IST1: variants seen among roughly 807,000 people sequenced by gnomAD.
The protein encoded by IST1 is IST1 factor associated with ESCRT-III.
Under a neutral mutation model 37.0 loss-of-function variants are expected in IST1, and 23 were observed. The ratio of observed to expected loss-of-function variants is 0.62; its 90% CI spans 0.45 to 0.88. The LOEUF (loss-of-function observed/expected upper bound fraction) is 0.88. IST1 is among the 40% of genes least tolerant of loss of function. IST1 has a pLI of 0.00. For synonymous variants in IST1, 180 were observed against 161.7 expected, an observed-to-expected ratio of 1.11 and a Z score of -0.86; for missense variants, 488 against 445.4, an observed-to-expected ratio of 1.10 and a Z score of -0.86.
intron 4 of IST1, among the ~76,000 whole-genome samples, chr16:71,919,619 T>A (rs917963358): frequency 1.3e-5 from 2 of 152,218 alleles, no homozygotes; most frequent in African/African-American, 4.8e-5. Context: ...CTTGAACACC[T>A]GAACTCAAGT....
intron 1 of IST1, among the ~76,000 whole-genome samples, chr16:71,902,014 GA>G (rs1387987305): frequency 3.9e-5 from 6 of 152,198 alleles, no homozygotes; most frequent in African/African-American, 1.4e-4. Context: ...CTAATCTTTA[GA>G]TGAAGAGCTA....
intron 7 of IST1, 110 bp from the exon 8 acceptor site, chr16:71,923,168 AATATTTATAT>A (rs1307834575): frequency 6.5e-4 from 345 of 528,858 alleles, no homozygotes; most frequent in Non-Finnish European, 6.6e-5. Context: ...AAGGATCTTG[AATATTTATAT>A]ATATTTAGTA....
chr16:71,908,199 C>G (rs2037269806), intron 1 of IST1, among the ~76,000 whole-genome samples: 1 of 152,012 alleles, frequency 6.6e-6, no homozygotes. Context: ...GCCTCTGCCT[C>G]CCAAAGTGCT....
rs2037817167 is a variant in IST1, at chr16:71,928,851, C to G, written c.*1038C>G. ...CCTTTGGCCCATAGCTAAGGTCATC[C>G]TTCCCCACAGGGGTGGCTTTGGGAT... On this transcript the variant is annotated 3_prime_UTR_variant, in exon 10 of 10. Coordinates refer to ENST00000378799, the MANE Select transcript of IST1 (RefSeq NM_001270975.2). 6.6e-6 allele frequency: 1 copy of G among 152,230 alleles called. No homozygotes were observed. Among genetic ancestry groups the G allele is most frequent in the Non-Finnish European group, 1.5e-5 (1 of 68,052 alleles). The allele number at this position is 152,230 out of a possible 1,614,324, so 9.4% of individuals were successfully genotyped here.
intron 1 of IST1, chr16:71,903,605 G>A (rs1344372898): frequency 6.6e-6 from 1 of 152,090 alleles, no homozygotes; most frequent in African/African-American, 2.4e-5. Context: ...AGGTCTTACT[G>A]TGTTACTCAG....
chr16:71,919,246 T>G (rs1347140324), intron 4 of IST1, among the ~76,000 whole-genome samples: 1 of 152,222 alleles, frequency 6.6e-6, no homozygotes, highest in Non-Finnish European at 1.5e-5. Context: ...CTTACCACAC[T>G]CCTTGGCCTC....
intron 1 of IST1, among the ~76,000 whole-genome samples, chr16:71,915,096 C>T (rs2037439631): frequency 6.6e-6 from 1 of 152,232 alleles, no homozygotes; most frequent in Admixed American, 6.5e-5. Flanking sequence ...TGGGTACTAG[C>T]TTTTCCCCAA....
Position 71,929,504 on chromosome 16 carries a change from T to G in IST1, c.*1691T>G. The G allele has an allele frequency of 6.6e-7, 1 of 1,524,878 alleles. No homozygotes were observed. Among genetic ancestry groups the G allele is most frequent in the South Asian group, 1.3e-5 (1 of 79,714 alleles). The allele number at this position is 1,524,878 out of a possible 1,614,324, so 94.5% of individuals were successfully genotyped here. A position where few individuals can be genotyped will look rare whatever the true frequency, so the allele number is the denominator to read the frequency against. On this transcript the variant is annotated 3_prime_UTR_variant, in exon 10 of 10. Coordinates refer to ENST00000378799, the MANE Select transcript of IST1 (RefSeq NM_001270975.2). ...CATGCAAAGATAAGTAGTAATACGC[T>G]AATAAATACTAAGCCAAGTAGGAGA...
At chr16:71,922,451 C>T (rs775578224) in intron 6 of IST1, 23 bp from the exon 7 acceptor site, 4 of 1,604,804 alleles carry the variant, frequency 2.5e-6, no homozygotes, top group African/African-American at 1.3e-5. Context: ...GGTTAATGAC[C>T]TGGGTTTCTC....
At chr16:71,894,552 C>A, upstream of IST1, 7 of 246,014 alleles carry the variant, frequency 2.8e-5, no homozygotes, top group Non-Finnish European at 4.8e-5. Context: ...GGCCCTTTTT[C>A]TTTTTTTCTG....
In IST1 at chr16:71,923,386, T is replaced by C. The variant is rs1443223956; in HGVS notation, c.852+6T>C. The C allele has an allele frequency of 5.7e-6, 9 of 1,565,816 alleles. No individual in the cohort carries two copies. The highest frequency in any genetic ancestry group is 7.9e-6 in the Non-Finnish European group (9 of 1,136,628). ...CTCCCCCATCGTATGAATCTGTAAG[T>C]GCCTGAGCCTCTTTTATAAGCAACA... is the stretch of plus-strand genomic sequence containing the variant. On this transcript the variant is annotated splice_donor_region_variant and intron_variant, in intron 8 of 9. Transcript: ENST00000378799.
intron 2 of IST1, 58 bp downstream of exon 2, chr16:71,915,786 A>T (rs1457322444): frequency 9.3e-7 from 1 of 1,069,862 alleles, no homozygotes; most frequent in African/African-American, 1.6e-5. Context: ...CACCCCAGTA[A>T]TGGGTCTTTC....
intron 1 of IST1, among the ~76,000 whole-genome samples, chr16:71,896,990 A>G (rs1477851032): frequency 2.0e-5 from 3 of 151,948 alleles, no homozygotes; most frequent in African/African-American, 7.2e-5. Context: ...AAAAAAAGAA[A>G]TTAAAACACT....
chr16:71,915,738 G>C lies in IST1; in HGVS notation c.88+10G>C. The C allele has an allele frequency of 6.4e-7, 1 of 1,565,216 alleles. No homozygotes were observed. Among genetic ancestry groups the C allele is most frequent in the Non-Finnish European group, 8.8e-7 (1 of 1,138,312 alleles). On this transcript the variant is annotated intron_variant, in intron 2 of 9. Coordinates refer to ENST00000378799, the MANE Select transcript of IST1 (RefSeq NM_001270975.2). ...TTGGAGAAAAAGAAAAGTGAGTAGT[G>C]TACTTTTTTTCCCCAAAAATAAATC...
upstream of IST1, chr16:71,894,827 C>G (rs2036930332): frequency 1.3e-6 from 2 of 1,533,546 alleles, no homozygotes; most frequent in African/African-American, 1.4e-5. Context: ...CAGGCTTAAG[C>G]AGCGATAATG....
intron 1 of IST1, among the ~76,000 whole-genome samples, chr16:71,906,589 T>A (rs1019052406): frequency 6.6e-6 from 1 of 152,130 alleles, no homozygotes; most frequent in African/African-American, 2.4e-5. Context: ...GTGCTGAGAT[T>A]ACCAGGTGTG....
Position 71,908,296 on chromosome 16 carries a change from CT to C in IST1, c.-15-7308del, listed in dbSNP as rs59849119. On this transcript the variant is annotated intron_variant, in intron 1 of 9. Coordinates refer to ENST00000378799, the MANE Select transcript of IST1 (RefSeq NM_001270975.2). ...GAGAAATTTCCCTTACTCGTTGTAG[CT>C]TTTTTTTTTTTTTTTTTTTTTGGAG... Among the ~76,000 whole-genome samples, 55 of 76,820 alleles carry C rather than the reference CT, an allele frequency of 7.2e-4. No homozygotes were observed. The South Asian group carries it at 0.014, about 20-fold the overall frequency. The allele number at this position is 76,820 out of a possible 152,430, so 50.4% of individuals were successfully genotyped here.
At chr16:71,912,506 G>A (rs1327177825) in intron 1 of IST1, among the ~76,000 whole-genome samples, 1 of 152,066 alleles carries the variant, frequency 6.6e-6, no homozygotes, top group Non-Finnish European at 1.5e-5. Flanking sequence ...CAAAGTACTG[G>A]GATTACAGGT....
intron 2 of IST1, among the ~76,000 whole-genome samples, chr16:71,916,222 G>A (rs1307658741): frequency 6.6e-6 from 1 of 152,204 alleles, no homozygotes; most frequent in Non-Finnish European, 1.5e-5. Context: ...GACATACTCT[G>A]TTGTTGTGGC....
Sources: allele counts gnomAD v4.1 joint callset (sites outside exome capture counted in the v4.1 genomes callset), GRCh38; gene constraint gnomAD v4.1.1; transcripts MANE v1.5; gene names NCBI Gene and HGNC (gene_info 2026-07-23, HGNC 2026-07-21).